Variants in NEB observed in about 807,000 individuals in gnomAD.
NEB encodes the protein nemaline myopathy type 2.
Under a neutral mutation model 952.2 loss-of-function variants are expected in NEB, and 512 were observed. The observed-to-expected ratio is 0.54, with a 90% confidence interval of 0.50 to 0.58. The LOEUF (loss-of-function observed/expected upper bound fraction) is 0.58, where lower values mean the gene tolerates loss of function less well. NEB is among the 20% of genes least tolerant of loss of function. The probability of loss-of-function intolerance (pLI) is 0.00; values close to 1 mark genes in which losing one functional copy is unlikely to be tolerated. For missense variants in NEB, 8,428 were observed against 9,231.1 expected, an observed-to-expected ratio of 0.91 and a Z score of 3.56; for synonymous variants, 2,900 against 3,149.8, an observed-to-expected ratio of 0.92 and a Z score of 2.66.
chr2:151,639,178 G>A (rs1216059328), intron 63 of NEB, 102 bp downstream of exon 63: 1 of 924,956 alleles, frequency 1.1e-6, no homozygotes, highest in African/African-American at 1.7e-5. Flanking sequence ...CATGAAACAT[G>A]AAAAAGATTC....
At chr2:151,646,672 CAG>C (rs1560961699) in intron 54 of NEB, among the ~76,000 whole-genome samples, 1 of 152,132 alleles carries the variant, frequency 6.6e-6, no homozygotes, top group Non-Finnish European at 1.5e-5. Context: ...TATTTTGACA[CAG>C]AGTCTTACAC....
intron 65 of NEB, 70 bp downstream of exon 65, chr2:151,633,584 T>C (rs1449571711): frequency 3.3e-6 from 5 of 1,526,094 alleles, no homozygotes; most frequent in East Asian, 2.3e-5. Flanking sequence ...ATGGATTGTA[T>C]ATAAAGGATA....
At chr2:151,542,131 G>C (rs541628185) in intron 135 of NEB, among the ~76,000 whole-genome samples, 11 of 152,252 alleles carry the variant, frequency 7.2e-5, no homozygotes, top group African/African-American at 2.6e-4. Context: ...AACTGAAGCT[G>C]CTCAGTGTTT....
rs751128054 is a variant in NEB at position 151,490,038 on chromosome 2, C to G, written c.25337G>C (p.Arg8446Pro). Reference protein sequence around the residue: ...HAKTTELPQQRSSSVATQQTT... With the variant: ...HAKTTELPQQPSSSVATQQTT... ...CTGTTGGGTAGCAACTGAAGATGAT[C>G]GTTGTTGTGGGAGCTCTGTGGTTTT... is the stretch of plus-strand genomic sequence containing the variant. The change falls in exon 181 of 182, where the codon CGA (arginine) becomes CCA (proline). Residue 8446 changes from arginine to proline, a missense_variant. Coordinates refer to ENST00000397345, the MANE Select transcript of NEB (RefSeq NM_001164508.2). The G allele has an allele frequency of 1.2e-6, 2 of 1,613,084 alleles. No homozygotes were observed. The highest frequency in any genetic ancestry group is 2.2e-5 in the East Asian group (1 of 44,840).
At chr2:151,553,140 C>T (rs2095433869) in intron 127 of NEB, among the ~76,000 whole-genome samples, 1 of 152,164 alleles carries the variant, frequency 6.6e-6, no homozygotes, top group Non-Finnish European at 1.5e-5. Flanking sequence ...GTTAATATAT[C>T]CAAAATAGCC....
chr2:151,687,363 G>T, intron 27 of NEB, 56 bp downstream of exon 27: 1 of 1,438,336 alleles, frequency 7.0e-7, no homozygotes, highest in Non-Finnish European at 9.8e-7. Context: ...ACTACCCTTG[G>T]GCATCGTAAC....
chr2:151,726,775 T>C (rs2099792048), intron 5 of NEB, among the ~76,000 whole-genome samples: 1 of 152,162 alleles, frequency 6.6e-6, no homozygotes, highest in Non-Finnish European at 1.5e-5. Context: ...CCTATAATTC[T>C]AATGTTTTGT....
chr2:151,680,030 A>T lies in NEB; in HGVS notation c.3043-8T>A. On this transcript the variant is annotated splice_polypyrimidine_tract_variant and splice_region_variant and intron_variant, in intron 30 of 181. Transcript: ENST00000397345. ...TTTGGCTTTGTAAGCGATCTGAAAG[A>T]GAAAAAAATGCATAAACAAACAAAT... 3 of 1,569,888 alleles carry T rather than the reference A, an allele frequency of 1.9e-6. No homozygotes were observed. Among genetic ancestry groups the T allele is most frequent in the Non-Finnish European group, 2.6e-6 (3 of 1,140,160 alleles).
chr2:151,549,684 G>C lies in NEB; in HGVS notation c.20001C>G (p.Asp6667Glu). The C allele has an allele frequency of 6.2e-7, 1 of 1,601,566 alleles. No individual in the cohort carries two copies. The change falls in exon 130 of 182, where the codon GAC becomes GAG. Residue 6667 changes from aspartate to glutamate, a missense_variant. By Grantham distance (45) the Asp-to-Glu change is conservative. Around this residue, in one of 11 missense-constraint regions of NEB, gnomAD observed 3,374 missense variants for 3,651.5 expected, o/e 0.92. Coordinates refer to ENST00000397345, the MANE Select transcript of NEB (RefSeq NM_001164508.2). ...CCTTGATGTGTTTGAAGTGAGGAGT[G>C]TCACCTGGAAGTCTATATCCAGTGG... ...TLPTGYRLPG[D>E]TPHFKHIKDT...
At chr2:151,575,889 G>A in intron 106 of NEB, 90 bp from the exon 107 acceptor site, 1 of 967,164 alleles carries the variant, frequency 1.0e-6, no homozygotes, top group Non-Finnish European at 1.6e-6. Context: ...TTTTGGATTT[G>A]ATCCAAAACC....
Position 151,612,348 on chromosome 2 carries a change from T to A in NEB, c.11643A>T (p.Gly3881=). The change falls in exon 78 of 182, where the codon GGA becomes GGT. Residue 3881 remains glycine (G), a synonymous_variant. Coordinates refer to ENST00000397345, the MANE Select transcript of NEB (RefSeq NM_001164508.2). ...KSDLEWLRGI[G]WVPIGSVEVE... is the part of the protein sequence containing the mutation. ...CCTCTACAGAGCCAATGGGAACCCA[T>A]CCTATGCCTCTCAGCCACTCAAGAT... The A allele has an allele frequency of 1.2e-6, 2 of 1,613,818 alleles. No homozygotes were observed. Among genetic ancestry groups the A allele is most frequent in the Non-Finnish European group, 1.7e-6 (2 of 1,179,810 alleles).
At chr2:151,541,356 G>T in intron 136 of NEB, 91 bp downstream of exon 136, 1 of 873,642 alleles carries the variant, frequency 1.1e-6, no homozygotes, top group Non-Finnish European at 1.8e-6. Flanking sequence ...ACAACCAAGT[G>T]TGTGAGTCTG....
chr2:151,690,292 T>A (rs1226061190), intron 24 of NEB: 1 of 188,766 alleles, frequency 5.3e-6, no homozygotes, highest in Non-Finnish European at 1.1e-5. Flanking sequence ...CACCATTCTA[T>A]ATTAGTTTTC....
At chr2:151,490,318 CCAT>C in intron 180 of NEB, 51 bp downstream of exon 180, 2 of 1,556,460 alleles carry the variant, frequency 1.3e-6, no homozygotes, top group Non-Finnish European at 1.7e-6. Flanking sequence ...CTTATAGTAA[CCAT>C]CAATGAGCTG....
intron 156 of NEB, 116 bp from the exon 157 acceptor site, chr2:151,516,679 C>G: frequency 2.8e-6 from 2 of 721,874 alleles, no homozygotes; most frequent in Admixed American, 2.1e-5. Context: ...CTCATTGCCA[C>G]TCAAAACAGT....
chr2:151,562,781 T>C lies in NEB; in HGVS notation c.18721A>G (p.Thr6241Ala). 1.9e-6 allele frequency: 3 copies of C among 1,582,616 alleles called. No homozygotes were observed. Among genetic ancestry groups the C allele is most frequent in the Non-Finnish European group, 2.6e-6 (3 of 1,162,542 alleles). Residue 6241 changes from threonine to alanine, a missense_variant, in exon 120 of 182, where the codon ACC becomes GCC. This residue lies in a region of NEB where 3,374 missense variants were observed against 3,651.5 expected (regional missense o/e 0.92). Transcript: ENST00000397345. ...ALNYRKHYEDTKANVHIPNDM... is the reference protein window; with the variant it reads ...ALNYRKHYEDAKANVHIPNDM... ...TTGGGGATATGAACATTTGCTTTGG[T>C]ATCCTCATAATGTTTTCTGTAGTTC...
At chr2:151,559,929 TAAAGTA>T (rs1365225324) in intron 124 of NEB, among the ~76,000 whole-genome samples, 2 of 152,138 alleles carry the variant, frequency 1.3e-5, no homozygotes, top group African/African-American at 4.8e-5. Context: ...CCCCAGAACT[TAAAGTA>T]TAATAAACCA....
chr2:151,683,275 C>T (rs1447366460), intron 28 of NEB, among the ~76,000 whole-genome samples: 1 of 152,152 alleles, frequency 6.6e-6, no homozygotes, highest in African/African-American at 2.4e-5. Flanking sequence ...TGGAGTGTTT[C>T]TACATTGGCT....
At position 151,724,370 on chromosome 2, in the gene NEB, C is replaced by T. The variant is rs374227241; in HGVS notation, c.508-6G>A. The T allele has an allele frequency of 2.5e-6, 4 of 1,597,124 alleles. No homozygotes were observed. Among genetic ancestry groups the T allele is most frequent in the South Asian group, 1.1e-5 (1 of 88,956 alleles). ...CAGTTCTGCTTGTATAAAACCTAGA[C>T]AGAAGGAGCAGAGGATCTGTGGCTT... On this transcript the variant is annotated splice_region_variant and splice_polypyrimidine_tract_variant and intron_variant, in intron 7 of 181. Coordinates refer to ENST00000397345, the MANE Select transcript of NEB (RefSeq NM_001164508.2).
Sources: allele counts gnomAD v4.1 joint callset (sites outside exome capture counted in the v4.1 genomes callset), GRCh38; gene constraint gnomAD v4.1.1; regional missense constraint gnomAD v4.1.1; transcripts MANE v1.5; gene names NCBI Gene and HGNC (gene_info 2026-07-23, HGNC 2026-07-21).